The following PHACTR3 variants were observed in gnomAD, a reference collection of about 807,000 sequenced individuals.
PHACTR3 encodes protein phosphatase 1, regulatory subunit 123.
PHACTR3 carries 16 observed loss-of-function variants against 66.8 expected under a neutral mutation model. The ratio of observed to expected loss-of-function variants is 0.24; its 90% CI spans 0.16 to 0.36. PHACTR3 has a LOEUF of 0.36. Among genes scored for constraint, PHACTR3 ranks in the 10% least tolerant of loss-of-function variants. The pLI is 1.00. For missense variants in PHACTR3, 647 were observed against 719.9 expected, an observed-to-expected ratio of 0.90 and a Z score of 1.16; for synonymous variants, 323 against 292.1, an observed-to-expected ratio of 1.11 and a Z score of -1.08.
At chr20:59,724,964 T>C (rs1393370131) in intron 1 of PHACTR3, among the ~76,000 whole-genome samples, 1 of 151,060 alleles carries the variant, frequency 6.6e-6, no homozygotes, top group Non-Finnish European at 1.5e-5. Flanking sequence ...AGGTGTGCTC[T>C]GTGCTTAGTG....
intron 3 of PHACTR3, among the ~76,000 whole-genome samples, chr20:59,749,843 T>C (rs952635278): frequency 3.9e-5 from 6 of 152,134 alleles, no homozygotes; most frequent in Admixed American, 1.3e-4. Context: ...TTTTCTTTTG[T>C]CAACCATTTA....
intron 1 of PHACTR3, 113 bp downstream of exon 1, chr20:59,605,245 G>A: frequency 1.4e-6 from 1 of 715,212 alleles, no homozygotes; most frequent in Non-Finnish European, 2.0e-6. Context: ...AGCCGCGGCA[G>A]GAACCCGCGC....
chr20:59,602,871 C>G (rs1264214725), upstream of PHACTR3, among the ~76,000 whole-genome samples: 1 of 152,206 alleles, frequency 6.6e-6, no homozygotes, highest in African/African-American at 2.4e-5. Context: ...GTTGAAGACC[C>G]ACTTGGAGAG....
intron 1 of PHACTR3, among the ~76,000 whole-genome samples, chr20:59,613,177 A>G (rs896821922): frequency 7.9e-5 from 12 of 152,190 alleles, no homozygotes; most frequent in Non-Finnish European, 1.8e-4. Context: ...AAGTTTATCT[A>G]TTAGGGATTG....
At chr20:59,709,534 G>T (rs530870510) in intron 1 of PHACTR3, among the ~76,000 whole-genome samples, 16 of 151,958 alleles carry the variant, frequency 1.1e-4, no homozygotes, top group African/African-American at 3.9e-4. Context: ...TTTTATTTTT[G>T]CCAGACCCTG....
In PHACTR3 at chr20:59,829,632, C is replaced by T. The variant is rs960745081; in HGVS notation, c.1329-6873C>T. Reference sequence around the variant, plus strand: ...CTCGCTGGGGAATCCCATCTCCAGGCGGGGGCCGCCAGCTTTTCTCAGTGA... The same window carrying T: ...CTCGCTGGGGAATCCCATCTCCAGGTGGGGGCCGCCAGCTTTTCTCAGTGA... On this transcript the variant is annotated intron_variant, in intron 8 of 12. Coordinates refer to ENST00000371015, the MANE Select transcript of PHACTR3 (RefSeq NM_080672.5). This position sits in a 1 kb window ranked among gnomAD's most constrained non-coding sequence, Gnocchi z 4.2. Among the ~76,000 whole-genome samples, 1 of 151,982 alleles carries T rather than the reference C, an allele frequency of 6.6e-6. No individual in the cohort carries two copies.
At chr20:59,619,415 A>G (rs1467433724) in intron 1 of PHACTR3, among the ~76,000 whole-genome samples, 1 of 152,124 alleles carries the variant, frequency 6.6e-6, no homozygotes, top group East Asian at 1.9e-4. Flanking sequence ...CTGATGGTCA[A>G]CAGAGAGATA....
intron 8 of PHACTR3, among the ~76,000 whole-genome samples, chr20:59,810,461 C>T (rs1342677204): frequency 6.6e-6 from 1 of 152,164 alleles, no homozygotes; most frequent in Admixed American, 6.5e-5. Flanking sequence ...CCTGGAGGCG[C>T]CATTTGTTTT....
intron 1 of PHACTR3, among the ~76,000 whole-genome samples, chr20:59,723,547 G>A (rs1373814974): frequency 6.6e-6 from 1 of 152,126 alleles, no homozygotes; most frequent in East Asian, 1.9e-4. Context: ...TCTATTATGA[G>A]TAGAGCTGCT....
rs1263574889 is a variant in PHACTR3, at chr20:59,623,145, C to T, written c.118+18013C>T. Among the ~76,000 whole-genome samples the T allele has an allele frequency of 2.6e-5, 4 of 151,814 alleles. No homozygotes were observed. The East Asian group carries it at 7.7e-4, about 29-fold the overall frequency. On this transcript the variant is annotated intron_variant, in intron 1 of 12. Coordinates refer to ENST00000371015, the MANE Select transcript of PHACTR3 (RefSeq NM_080672.5). ...GAGGCAGGAGCATTATTGAAAAAAA[C>T]TCAACAGGCTTTTTAAAACTGGAAA...
intron 1 of PHACTR3, among the ~76,000 whole-genome samples, chr20:59,644,304 C>T (rs566952795): frequency 3.9e-5 from 6 of 152,208 alleles, no homozygotes; most frequent in African/African-American, 1.2e-4. Flanking sequence ...GATTGCATTT[C>T]GAAGTGAAAA....
At chr20:59,646,560 T>A (rs1401280090) in intron 1 of PHACTR3, among the ~76,000 whole-genome samples, 5 of 152,194 alleles carry the variant, frequency 3.3e-5, no homozygotes, top group African/African-American at 1.2e-4. Flanking sequence ...TCCTGCTGAC[T>A]TTCTCAATCT....
intron 4 of PHACTR3, among the ~76,000 whole-genome samples, chr20:59,759,964 C>T (rs1037574972): frequency 7.2e-5 from 11 of 152,200 alleles, no homozygotes; most frequent in African/African-American, 1.4e-4. Context: ...TGATGGTCTA[C>T]ACCTGCAGGA....
intron 1 of PHACTR3, among the ~76,000 whole-genome samples, chr20:59,688,338 G>C (rs1159170994): frequency 6.6e-6 from 1 of 152,120 alleles, no homozygotes; most frequent in Non-Finnish European, 1.5e-5. Flanking sequence ...GGATGTTTGG[G>C]GTCATTTGGG....
At chr20:59,725,378 C>T (rs1175134761) in intron 1 of PHACTR3, among the ~76,000 whole-genome samples, 1 of 151,308 alleles carries the variant, frequency 6.6e-6, no homozygotes, top group African/African-American at 2.4e-5. Flanking sequence ...GGCTGTGTGC[C>T]CACCGAGGCT....
chr20:59,580,605 A>G (rs2032828932), intron 1 of PHACTR3, among the ~76,000 whole-genome samples: 1 of 152,018 alleles, frequency 6.6e-6, no homozygotes, highest in Admixed American at 6.6e-5. Flanking sequence ...TTGAAGGGAA[A>G]GGCGTGATCA....
chr20:59,716,798 T>TA (rs2038109704), intron 1 of PHACTR3, among the ~76,000 whole-genome samples: 1 of 152,252 alleles, frequency 6.6e-6, no homozygotes, highest in Admixed American at 6.5e-5. Context: ...TCACCAATGA[T>TA]ACTCTTGTGC....
chr20:59,831,666 G>T (rs1436749688), intron 8 of PHACTR3, among the ~76,000 whole-genome samples: 2 of 152,114 alleles, frequency 1.3e-5, no homozygotes, highest in Non-Finnish European at 2.9e-5. Flanking sequence ...AGCTTCCAAA[G>T]CCCAGCTATG....
intron 7 of PHACTR3, among the ~76,000 whole-genome samples, chr20:59,779,590 A>G (rs1331652680): frequency 6.6e-6 from 1 of 151,992 alleles, no homozygotes; most frequent in East Asian, 1.9e-4. Context: ...TATTTTATTC[A>G]TTTATTCATT....
Sources: allele counts gnomAD v4.1 joint callset (sites outside exome capture counted in the v4.1 genomes callset), GRCh38; gene constraint gnomAD v4.1.1; non-coding constraint Gnocchi (gnomAD v3.1); transcripts MANE v1.5; gene names NCBI Gene and HGNC (gene_info 2026-07-23, HGNC 2026-07-21).